The following CHID1 variants were observed in gnomAD, a reference collection of about 807,000 sequenced individuals.
CHID1 encodes chitinase domain-containing protein 1.
In CHID1, 44 loss-of-function variants were observed where a neutral mutation model predicts 55.4. The ratio of observed to expected loss-of-function variants is 0.79; its 90% confidence interval spans 0.62 to 1.02. The LOEUF (loss-of-function observed/expected upper bound fraction) is 1.02, where lower values mean the gene tolerates loss of function less well. Among genes scored for constraint, CHID1 ranks in the 50% least tolerant of loss-of-function variants. The pLI is 0.00. For synonymous variants in CHID1, 216 were observed against 212.9 expected (o/e 1.01, Z -0.13); for missense variants, 491 against 515.3 (o/e 0.95, Z 0.46).
At chr11:903,162 G>C in intron 2 of CHID1, 51 bp from the exon 3 acceptor site, 1 of 1,573,258 alleles carries the variant, frequency 6.4e-7, no homozygotes, top group Non-Finnish European at 8.6e-7. Context: ...CCACAGTGTA[G>C]AGCACAGAGC....
upstream of CHID1, among the ~76,000 whole-genome samples, chr11:913,311 A>G (rs1852794146): frequency 6.6e-6 from 1 of 152,208 alleles, no homozygotes; most frequent in African/African-American, 2.4e-5. Context: ...CCACCTCACC[A>G]GGCCAATGCA....
upstream of CHID1, chr11:914,414 T>G: frequency 1.1e-5 from 8 of 732,488 alleles, no homozygotes; most frequent in South Asian, 1.5e-5. Flanking sequence ...GCCGTGGGCA[T>G]GGGGGGGACA....
At chr11:891,507 G>C (rs1273612488) in intron 8 of CHID1, among the ~76,000 whole-genome samples, 1 of 152,192 alleles carries the variant, frequency 6.6e-6, no homozygotes, top group Admixed American at 6.5e-5. Flanking sequence ...ACCAGCAGAA[G>C]ACAGGCACCT....
chr11:871,950 A>T (rs1849203439), intron 10 of CHID1, among the ~76,000 whole-genome samples: 1 of 152,116 alleles, frequency 6.6e-6, no homozygotes, highest in Admixed American at 6.6e-5. Flanking sequence ...CCTCTTCCAG[A>T]CTAGGGCACA....
intron 7 of CHID1, among the ~76,000 whole-genome samples, chr11:898,592 T>A (rs1210045798): frequency 6.6e-6 from 1 of 152,216 alleles, no homozygotes; most frequent in Non-Finnish European, 1.5e-5. Flanking sequence ...TCGCCCACTT[T>A]GGCAGAACAG....
chr11:893,334 A>C, intron 8 of CHID1, 93 bp downstream of exon 8: 1 of 987,496 alleles, frequency 1.0e-6, no homozygotes, highest in Non-Finnish European at 1.5e-6. Flanking sequence ...GCTGAGCAGG[A>C]GGGCCTGGGC....
intron 10 of CHID1, among the ~76,000 whole-genome samples, chr11:879,664 T>A (rs1195503144): frequency 6.6e-6 from 1 of 152,220 alleles, no homozygotes; most frequent in East Asian, 1.9e-4. Flanking sequence ...CCATCTATGG[T>A]ACTTTGTTAC....
intron 6 of CHID1, among the ~76,000 whole-genome samples, chr11:899,729 G>A (rs967042759): frequency 6.6e-6 from 1 of 152,230 alleles, no homozygotes; most frequent in African/African-American, 2.4e-5. Flanking sequence ...CTCCCAGGAG[G>A]GTAGCAGGCA....
At chr11:886,382 C>T (rs1228772677) in intron 8 of CHID1, among the ~76,000 whole-genome samples, 1 of 151,814 alleles carries the variant, frequency 6.6e-6, no homozygotes, top group Non-Finnish European at 1.5e-5. Flanking sequence ...TGGCTTGAGC[C>T]CAGGAGGTGG....
intron 4 of CHID1, 135 bp downstream of exon 4, chr11:902,063 C>T (rs1450786574): frequency 1.3e-5 from 12 of 934,852 alleles, no homozygotes; most frequent in African/African-American, 9.9e-5. Flanking sequence ...ACTTAAATCA[C>T]GCAGAGACAC....
intron 10 of CHID1, among the ~76,000 whole-genome samples, chr11:872,155 T>C (rs959451844): frequency 3.3e-5 from 5 of 152,206 alleles, no homozygotes; most frequent in African/African-American, 1.2e-4. Flanking sequence ...CAGTTTCCCT[T>C]AGACGCCTGT....
At chr11:906,014 T>G (rs936381207) in intron 1 of CHID1, among the ~76,000 whole-genome samples, 33 of 152,116 alleles carry the variant, frequency 2.2e-4, no homozygotes, top group African/African-American at 7.7e-4. Flanking sequence ...GAAAAGACAT[T>G]CCAGTAAAAA....
intron 11 of CHID1, 91 bp downstream of exon 11, chr11:870,328 C>T: frequency 2.2e-6 from 3 of 1,341,344 alleles, no homozygotes; most frequent in South Asian, 1.2e-5. Flanking sequence ...GACCCTGAGA[C>T]CCCCTGGGCC....
chr11:890,472 A>C (rs1197290255), intron 8 of CHID1, among the ~76,000 whole-genome samples: 1 of 152,186 alleles, frequency 6.6e-6, no homozygotes, highest in Non-Finnish European at 1.5e-5. Context: ...CGCCCACCTC[A>C]GAGTGGACCA....
At chr11:906,386 G>A (rs1201007197) in intron 1 of CHID1, among the ~76,000 whole-genome samples, 1 of 151,984 alleles carries the variant, frequency 6.6e-6, no homozygotes, top group East Asian at 1.9e-4. Flanking sequence ...TTATAGGCGC[G>A]TGCCACCACA....
Position 875,156 on chromosome 11 carries a change from T to C in CHID1, c.960-4657A>G, listed in dbSNP as rs576175054. Among the ~76,000 whole-genome samples, 2 of 152,358 alleles carry C rather than the reference T, an allele frequency of 1.3e-5. No individual in the cohort carries two copies. Among genetic ancestry groups the C allele is most frequent in the East Asian group, 3.9e-4 (2 of 5,178 alleles). ...CCCCCTCCTGAAGGGAGGACATAGC[T>C]GATGGCTGGCCCTCCCCAAGCCCAC... On this transcript the variant is annotated intron_variant, in intron 10 of 12. Transcript: ENST00000323578. The surrounding 1 kb of genome is among the most constrained non-coding windows in gnomAD (Gnocchi z 4.7).
At chr11:912,467 G>T (rs968293498), upstream of CHID1, among the ~76,000 whole-genome samples, 1 of 152,214 alleles carries the variant, frequency 6.6e-6, no homozygotes, top group Non-Finnish European at 1.5e-5. Flanking sequence ...GTTCCTGGGG[G>T]AGTCTTGTCA....
intron 8 of CHID1, among the ~76,000 whole-genome samples, chr11:890,422 GA>G (rs1850719238): frequency 6.6e-6 from 1 of 152,264 alleles, no homozygotes; most frequent in Admixed American, 6.5e-5. Context: ...GGCCGGCCCT[GA>G]ACCACGGGGC....
chr11:877,777 A>AAGGAGGCACTGTGGGG (rs1565165625), intron 10 of CHID1, among the ~76,000 whole-genome samples: 13 of 150,454 alleles, frequency 8.6e-5, no homozygotes, highest in Admixed American at 3.3e-4. Context: ...GGGCCTTTAG[A>AAGGAGGCACTGTGGGG]AGGCGGCACT....
Sources: gnomAD v4.1 joint callset for allele counts (sites outside exome capture counted in the v4.1 genomes callset) on GRCh38, gnomAD v4.1.1 for gene constraint, Gnocchi (gnomAD v3.1) non-coding constraint, MANE v1.5 for transcripts, NCBI Gene and HGNC (gene_info 2026-07-23, HGNC 2026-07-21) for gene names.